TMEM198: variants seen among roughly 807,000 people sequenced by gnomAD.
TMEM198 encodes the protein transmembrane protein 198.
Under a neutral mutation model 31.5 loss-of-function variants are expected in TMEM198, and 21 were observed. The observed-to-expected ratio is 0.67, with a 90% confidence interval of 0.47 to 0.96. The LOEUF (loss-of-function observed/expected upper bound fraction) is 0.96. TMEM198 is among the 40% of genes least tolerant of loss of function. The pLI is 0.00. For missense variants in TMEM198, 447 were observed against 499.4 expected, an observed-to-expected ratio of 0.89 and a Z score of 1.00; for synonymous variants, 211 against 223.3, an observed-to-expected ratio of 0.95 and a Z score of 0.49.
At chr2:219,544,559 T>G (rs1695351658) in intron 1 of TMEM198, 130 bp from the exon 2 acceptor site, 1 of 735,080 alleles carries the variant, frequency 1.4e-6, no homozygotes, top group Admixed American at 2.7e-5. Flanking sequence ...CAGAGATGCT[T>G]CCGGAGCTGC....
chr2:219,544,472 T>C (rs1695350321), intron 1 of TMEM198, 95 bp downstream of exon 1: 1 of 582,918 alleles, frequency 1.7e-6, no homozygotes, highest in Non-Finnish European at 3.1e-6. Flanking sequence ...TCCCCCCGAC[T>C]CCCGTCCCTC....
upstream of TMEM198, chr2:219,543,857 G>A (rs1484155550): frequency 1.6e-5 from 6 of 386,040 alleles, no homozygotes; most frequent in Non-Finnish European, 2.8e-5. Flanking sequence ...CTACCGGAGA[G>A]GGAGGAGAAG....
chr2:219,549,006 G>A (rs1272566789), intron 3 of TMEM198, 146 bp from the exon 4 acceptor site: 2 of 818,458 alleles, frequency 2.4e-6, no homozygotes, highest in Non-Finnish European at 4.0e-6. Flanking sequence ...TAGGAGACCA[G>A]GAAAGGAAGT....
Position 219,547,495 on chromosome 2 carries a change from T to A in TMEM198, c.167-11T>A. ...CATCTTGGCCCCTCACTAGCCCCTGTTCCCCTCCAGGTTACCGCTGCTTCA... is the reference window on the plus strand; with the variant it reads ...CATCTTGGCCCCTCACTAGCCCCTGATCCCCTCCAGGTTACCGCTGCTTCA... On this transcript the variant is annotated splice_polypyrimidine_tract_variant and intron_variant, in intron 2 of 4. Coordinates refer to ENST00000373883, the MANE Select transcript of TMEM198 (RefSeq NM_001005209.3). 1 of 1,417,116 alleles carries A rather than the reference T, an allele frequency of 7.1e-7. No individual in the cohort carries two copies. 87.8% of individuals were successfully genotyped at this position (1,417,116 alleles called of 1,614,324 possible). A position where few individuals can be genotyped will look rare whatever the true frequency, so the allele number is the denominator to read the frequency against.
Position 219,549,363 on chromosome 2 carries a change from CCT to C in TMEM198, c.945+10_945+11del, listed in dbSNP as rs772841496. 8.7e-6 allele frequency: 14 copies of C among 1,606,766 alleles called. No homozygotes were observed. The South Asian group carries it at 1.3e-4, about 15-fold the overall frequency. On this transcript the variant is annotated intron_variant, in intron 4 of 4. Transcript: ENST00000373883. The stretch of plus-strand genomic sequence containing the variant: ...GAGACGTCCTCTCCCCGGTGAGCTC[CCT>C]GAGCCCATCCAGCCAGAATGAGAAG...
At position 219,544,078 on chromosome 2, in the gene TMEM198, G is replaced by A. The variant is rs1269088371; in HGVS notation, c.-339G>A. The A allele has an allele frequency of 2.4e-6, 1 of 416,796 alleles. No homozygotes were observed. The highest frequency in any genetic ancestry group is 1.7e-5 in the South Asian group (1 of 58,268). The allele number at this position is 416,796 out of a possible 1,614,324, so 25.8% of individuals were successfully genotyped here. A position where few individuals can be genotyped will look rare whatever the true frequency, so the allele number is the denominator to read the frequency against. ...CATCAGCACCAAAGGCCGCGGGCGGGCTCAGGGCATGGGGCCGCGGTTCTG... is the reference window on the plus strand; with the variant it reads ...CATCAGCACCAAAGGCCGCGGGCGGACTCAGGGCATGGGGCCGCGGTTCTG... On this transcript the variant is annotated 5_prime_UTR_variant, in exon 1 of 5. Coordinates refer to ENST00000373883, the MANE Select transcript of TMEM198 (RefSeq NM_001005209.3).
chr2:219,544,441 A>G, intron 1 of TMEM198, 64 bp downstream of exon 1: 1 of 561,526 alleles, frequency 1.8e-6, no homozygotes, highest in South Asian at 1.7e-5. Context: ...CCTCCTTCTC[A>G]CTGGCAGCAC....
chr2:219,547,429 T>C, intron 2 of TMEM198, 77 bp from the exon 3 acceptor site: 2 of 1,198,776 alleles, frequency 1.7e-6, no homozygotes, highest in Non-Finnish European at 1.1e-6. Flanking sequence ...GGATCCCATG[T>C]CCTTGACCCC....
chr2:219,544,025 G>A, upstream of TMEM198: 1 of 359,336 alleles, frequency 2.8e-6, no homozygotes, highest in Admixed American at 3.6e-5. Flanking sequence ...CGCCCTGAGT[G>A]ACGTCAGGAG....
At chr2:219,546,944 A>G (rs927540243) in intron 2 of TMEM198, among the ~76,000 whole-genome samples, 1 of 151,656 alleles carries the variant, frequency 6.6e-6, no homozygotes, top group African/African-American at 2.4e-5. Context: ...ATGCCCGGCT[A>G]ATTTTTCGTA....
chr2:219,548,966 GAAC>G lies in TMEM198; in HGVS notation c.743-181_743-179del, dbSNP rs1331455682. The G allele has an allele frequency of 1.3e-5, 8 of 629,712 alleles. No individual in the cohort carries two copies. In the East Asian group the frequency reaches 1.7e-4, roughly 13 times the overall value. The allele number at this position is 629,712 out of a possible 1,614,324, so 39.0% of individuals were successfully genotyped here. ...TTCCATAAAGACCTATGGAAGAAAA[GAAC>G]AACAGCGGGAAGTCTCCTCTGAGAG... On this transcript the variant is annotated intron_variant, in intron 3 of 4. Coordinates refer to ENST00000373883, the MANE Select transcript of TMEM198 (RefSeq NM_001005209.3).
intron 4 of TMEM198, 33 bp from the exon 5 acceptor site, chr2:219,549,684 G>A (rs768944432): frequency 6.2e-7 from 1 of 1,607,490 alleles, no homozygotes; most frequent in Admixed American, 1.7e-5. Context: ...GGATTCTGCG[G>A]TGGGACTCAC....
Position 219,547,789 on chromosome 2 carries a change from G to A in TMEM198, c.450G>A (p.Leu150=). The A allele has an allele frequency of 6.3e-7, 1 of 1,593,580 alleles. No individual in the cohort carries two copies. The highest frequency in any genetic ancestry group is 1.1e-5 in the South Asian group (1 of 90,560). Residue 150 remains leucine (L), a synonymous_variant, in exon 3 of 5, where the codon CTG becomes CTA. Transcript: ENST00000373883. ...AGCCAGGCTCCGTGTGGGGTCCACT[G>A]GGGCTGTTGCTGGGGGGCGGCCTGC... ...YYQPGSVWGP[L]GLLLGGGLLC...
intron 2 of TMEM198, among the ~76,000 whole-genome samples, chr2:219,545,905 G>A (rs988062921): frequency 1.3e-5 from 2 of 152,144 alleles, no homozygotes; most frequent in African/African-American, 2.4e-5. Flanking sequence ...CTGAACAACT[G>A]AAGAGTAGGC....
At chr2:219,546,942 C>T (rs1695399630) in intron 2 of TMEM198, among the ~76,000 whole-genome samples, 1 of 152,116 alleles carries the variant, frequency 6.6e-6, no homozygotes, top group African/African-American at 2.4e-5. Context: ...CCATGCCCGG[C>T]TAATTTTTCG....
chr2:219,546,713 C>G (rs1695393976), intron 2 of TMEM198, among the ~76,000 whole-genome samples: 1 of 151,826 alleles, frequency 6.6e-6, no homozygotes, highest in South Asian at 2.1e-4. Context: ...GCCATTATCT[C>G]TGAAGCCCTG....
Position 219,547,652 on chromosome 2 carries a change from C to T in TMEM198, c.313C>T (p.Leu105Phe). 6.5e-7 allele frequency: 1 copy of T among 1,531,894 alleles called. No individual in the cohort carries two copies. Among genetic ancestry groups the T allele is most frequent in the South Asian group, 1.3e-5 (1 of 79,750 alleles). The allele number at this position is 1,531,894 out of a possible 1,614,324, so 94.9% of individuals were successfully genotyped here. Residue 105 changes from leucine (L) to phenylalanine (F), a missense_variant, in exon 3 of 5, where the codon CTC (leucine) becomes TTC (phenylalanine). Physicochemically the swap from Leu to Phe is conservative, Grantham distance 22 (BLOSUM62 0). Transcript: ENST00000373883. ...SAGIALGIGLLCGLVAMLVRS... is the reference protein window; with the variant it reads ...SAGIALGIGLFCGLVAMLVRS... Reference sequence around the variant, plus strand: ...GGGCATCGCTCTGGGCATCGGGCTGCTCTGCGGGCTGGTGGCCATGCTAGT... The same window carrying T: ...GGGCATCGCTCTGGGCATCGGGCTGTTCTGCGGGCTGGTGGCCATGCTAGT...
At position 219,544,878 on chromosome 2, in the gene TMEM198, G is replaced by A. The variant is rs543274382; in HGVS notation, c.151G>A (p.Val51Ile). 7 of 1,614,004 alleles carry A rather than the reference G, an allele frequency of 4.3e-6. 1 individual carries two copies. The South Asian group carries it at 7.7e-5, about 18-fold the overall frequency. The part of the protein sequence containing the change: ...VCIMCCLFGV[V>I]YCFFGYRCFK... Reference sequence around the variant, plus strand: ...CATCATGTGCTGTTTGTTTGGAGTCGTCTACTGCTTCTTCGGTGAGATCCC... The same window carrying A: ...CATCATGTGCTGTTTGTTTGGAGTCATCTACTGCTTCTTCGGTGAGATCCC... The change falls in exon 2 of 5, where the codon GTC becomes ATC. Residue 51 changes from valine to isoleucine, a missense_variant. By Grantham distance (29) the Val-to-Ile change is conservative (BLOSUM62 3). Coordinates refer to ENST00000373883, the MANE Select transcript of TMEM198 (RefSeq NM_001005209.3).
rs776854328 is a variant in TMEM198, at chr2:219,547,564, C to T, written c.225C>T (p.Val75=). The T allele has an allele frequency of 1.4e-5, 21 of 1,465,254 alleles. No homozygotes were observed. The highest frequency in any genetic ancestry group is 1.7e-5 in the Non-Finnish European group (19 of 1,105,520). The allele number at this position is 1,465,254 out of a possible 1,614,324, so 90.8% of individuals were successfully genotyped here. A position where few individuals can be genotyped will look rare whatever the true frequency, so the allele number is the denominator to read the frequency against. The change falls in exon 3 of 5, where the codon GTC becomes GTT. Residue 75 remains valine (V), a synonymous_variant. Transcript: ENST00000373883. ...FLTGLLFGSV[V]IFLLCYRERV... Reference sequence around the variant, plus strand: ...CTGGGTTGCTGTTTGGCTCGGTGGTCATCTTCCTCCTCTGCTACCGAGAGC... The same window carrying T: ...CTGGGTTGCTGTTTGGCTCGGTGGTTATCTTCCTCCTCTGCTACCGAGAGC...
Sources: allele counts gnomAD v4.1 joint callset (sites outside exome capture counted in the v4.1 genomes callset), GRCh38; gene constraint gnomAD v4.1.1; transcripts MANE v1.5; gene names NCBI Gene and HGNC (gene_info 2026-07-23, HGNC 2026-07-21).